VPS13B: variants seen among roughly 807,000 people sequenced by gnomAD.
VPS13B encodes the protein vacuolar protein sorting 13 homolog B.
Under a neutral mutation model 426.4 loss-of-function variants are expected in VPS13B, and 285 were observed. The observed-to-expected ratio is 0.67, with a 90% confidence interval of 0.61 to 0.74. The LOEUF is 0.74. Ranked by LOEUF, VPS13B falls within the 30% of genes least tolerant of loss-of-function variation. The pLI is 0.00. For missense variants in VPS13B, 4,537 were observed against 4,782.6 expected, an observed-to-expected ratio of 0.95 and a Z score of 1.51; for synonymous variants, 1,676 against 1,676.4, an observed-to-expected ratio of 1.00 and a Z score of 0.01.
intron 1 of VPS13B, 23 bp downstream of exon 1, chr8:99,013,370 A>T (rs1841422632): frequency 3.2e-6 from 1 of 308,208 alleles, no homozygotes; most frequent in African/African-American, 2.2e-5. Context: ...TGGAGTGCAG[A>T]GGGAGCGGGA....
intron 8 of VPS13B, among the ~76,000 whole-genome samples, chr8:99,132,204 A>G (rs1276118458): frequency 2.0e-5 from 3 of 152,128 alleles, no homozygotes; most frequent in Non-Finnish European, 4.4e-5. Flanking sequence ...GCTTCAGAGT[A>G]GAACCTCTGT....
intron 19 of VPS13B, among the ~76,000 whole-genome samples, chr8:99,327,431 T>C (rs1260401277): frequency 6.6e-6 from 1 of 152,094 alleles, no homozygotes; most frequent in Admixed American, 6.6e-5. Flanking sequence ...GTCAAATAAA[T>C]ACAAAAATTT....
chr8:99,294,694 G>A (rs1244450616), intron 19 of VPS13B, among the ~76,000 whole-genome samples: 1 of 152,150 alleles, frequency 6.6e-6, no homozygotes. Flanking sequence ...CTTAATCTTG[G>A]TGTAAATCAC....
At chr8:99,284,913 A>T (rs1819355030) in intron 19 of VPS13B, among the ~76,000 whole-genome samples, 1 of 152,196 alleles carries the variant, frequency 6.6e-6, no homozygotes, top group African/African-American at 2.4e-5. Flanking sequence ...GCTTACTAAG[A>T]TTGTTGTGAA....
At chr8:99,619,450 G>T (rs1168719256) in intron 33 of VPS13B, among the ~76,000 whole-genome samples, 1 of 152,220 alleles carries the variant, frequency 6.6e-6, no homozygotes, top group African/African-American at 2.4e-5. Context: ...TTAGAATCAT[G>T]TAGAATAGTT....
At chr8:99,590,804 T>A (rs573017399) in intron 33 of VPS13B, among the ~76,000 whole-genome samples, 2 of 152,308 alleles carry the variant, frequency 1.3e-5, no homozygotes, top group Non-Finnish European at 2.9e-5. Flanking sequence ...GAGAATAATG[T>A]ATATTCGGTT....
intron 24 of VPS13B, among the ~76,000 whole-genome samples, chr8:99,471,570 T>C (rs1418825832): frequency 2.6e-5 from 4 of 151,890 alleles, no homozygotes; most frequent in Admixed American, 1.3e-4. Context: ...CTAAAAAATA[T>C]TCAAAGAAGC....
chr8:99,314,302 C>G (rs1052897229), intron 19 of VPS13B, among the ~76,000 whole-genome samples: 2 of 152,096 alleles, frequency 1.3e-5, no homozygotes, highest in East Asian at 1.9e-4. Flanking sequence ...ATTCGGCCAT[C>G]TTGGAACCAC....
intron 19 of VPS13B, among the ~76,000 whole-genome samples, chr8:99,324,376 T>G (rs1810133177): frequency 6.6e-6 from 1 of 152,248 alleles, no homozygotes; most frequent in Non-Finnish European, 1.5e-5. Flanking sequence ...AGATAGCTAA[T>G]TTAATTCCAG....
chr8:99,461,723 C>T (rs1263107032), intron 23 of VPS13B, among the ~76,000 whole-genome samples: 1 of 152,162 alleles, frequency 6.6e-6, no homozygotes, highest in Non-Finnish European at 1.5e-5. Flanking sequence ...TCCCACAGCT[C>T]ACTCTCTGAA....
chr8:99,602,235 C>A (rs1015824972), intron 33 of VPS13B, among the ~76,000 whole-genome samples: 5 of 152,208 alleles, frequency 3.3e-5, no homozygotes, highest in Admixed American at 3.3e-4. Flanking sequence ...GTTTTCCCAA[C>A]ACCATTTATT....
At chr8:99,566,594 C>T (rs764460825) in intron 31 of VPS13B, among the ~76,000 whole-genome samples, 8 of 152,088 alleles carry the variant, frequency 5.3e-5, no homozygotes, top group Non-Finnish European at 8.8e-5. Flanking sequence ...AGGCATGTGC[C>T]GCCACGCCCA....
At chr8:99,526,337 G>C (rs1199938005) in intron 30 of VPS13B, among the ~76,000 whole-genome samples, 2 of 152,128 alleles carry the variant, frequency 1.3e-5, no homozygotes, top group Non-Finnish European at 2.9e-5. Flanking sequence ...AAATGGAAAG[G>C]CCTCAGAGGG....
rs546963938 is a variant in VPS13B, at chr8:99,587,118, C to T, written c.5220+9485C>T. The stretch of plus-strand genomic sequence containing the variant: ...ATAGTTTGCTCAGAATGATGGTTTC[C>T]AGCTTCATCCATGTTGCTACAAAGG... On this transcript the variant is annotated intron_variant, in intron 33 of 61. Transcript: ENST00000357162. 4.6e-5 allele frequency among the ~76,000 whole-genome samples: 7 copies of T among 152,194 alleles called. No homozygotes were observed. The South Asian group carries it at 6.2e-4, about 14-fold the overall frequency.
intron 33 of VPS13B, among the ~76,000 whole-genome samples, chr8:99,593,610 A>G (rs745336793): frequency 2.6e-5 from 4 of 152,150 alleles, no homozygotes; most frequent in Non-Finnish European, 4.4e-5. Flanking sequence ...ATGCACGTAT[A>G]TGTTCATTGC....
At chr8:99,383,902 G>A (rs745955422) in intron 19 of VPS13B, among the ~76,000 whole-genome samples, 3 of 152,094 alleles carry the variant, frequency 2.0e-5, no homozygotes, top group East Asian at 1.9e-4. Flanking sequence ...TGGCTGTTAC[G>A]AATTATGCTG....
intron 34 of VPS13B, among the ~76,000 whole-genome samples, chr8:99,644,298 A>T (rs2133935596): frequency 6.6e-6 from 1 of 152,280 alleles, no homozygotes; most frequent in Non-Finnish European, 1.5e-5. Flanking sequence ...ACTTGTTTCC[A>T]CTTTCTGAAA....
intron 6 of VPS13B, among the ~76,000 whole-genome samples, chr8:99,113,979 T>C (rs183201438): frequency 4.6e-5 from 7 of 152,308 alleles, no homozygotes; most frequent in Admixed American, 1.3e-4. Context: ...CTGGTGATTA[T>C]GATGTTTATG....
chr8:99,327,307 A>G (rs1810328988), intron 19 of VPS13B, among the ~76,000 whole-genome samples: 2 of 152,196 alleles, frequency 1.3e-5, no homozygotes, highest in Non-Finnish European at 2.9e-5. Flanking sequence ...ATTAAAGAAC[A>G]GTGATTTTAT....
Sources: allele counts gnomAD v4.1 joint callset (sites outside exome capture counted in the v4.1 genomes callset), GRCh38; gene constraint gnomAD v4.1.1; transcripts MANE v1.5; gene names NCBI Gene and HGNC (gene_info 2026-07-23, HGNC 2026-07-21).